The following PLXNA4 variants were observed in gnomAD, a reference collection of about 807,000 sequenced individuals.
PLXNA4 encodes the protein plexin-A4.
In PLXNA4, 44 loss-of-function variants were observed where a neutral mutation model predicts 191.8. That is an observed-to-expected ratio of 0.23 (90% CI 0.18 to 0.29). The LOEUF (loss-of-function observed/expected upper bound fraction) is 0.29, where lower values mean the gene tolerates loss of function less well. Ranked by LOEUF, PLXNA4 falls within the 10% of genes least tolerant of loss-of-function variation. The pLI is 1.00. For synonymous variants in PLXNA4, 1,082 were observed against 1,009.5 expected (o/e 1.07, Z -1.36); for missense variants, 1,800 against 2,488.8 (o/e 0.72, Z 5.89).
chr7:132,209,389 G>T (rs1228803920), intron 10 of PLXNA4, among the ~76,000 whole-genome samples: 2 of 152,222 alleles, frequency 1.3e-5, no homozygotes, highest in African/African-American at 2.4e-5. Context: ...TATAGGGAGG[G>T]TCTTGTTTTG....
At chr7:132,193,692 A>G (rs886739977) in intron 14 of PLXNA4, among the ~76,000 whole-genome samples, 2 of 152,222 alleles carry the variant, frequency 1.3e-5, no homozygotes, top group African/African-American at 4.8e-5. Flanking sequence ...ACTTGCCCAC[A>G]TTTACCCAGT....
chr7:132,617,296 G>A (rs966729104), intron 2 of PLXNA4, among the ~76,000 whole-genome samples: 5 of 152,122 alleles, frequency 3.3e-5, no homozygotes, highest in Non-Finnish European at 7.3e-5. Flanking sequence ...GAGGGATGGG[G>A]TCAGAATGTA....
At chr7:132,280,874 A>T (rs1156814184) in intron 4 of PLXNA4, among the ~76,000 whole-genome samples, 1 of 152,208 alleles carries the variant, frequency 6.6e-6, no homozygotes, top group African/African-American at 2.4e-5. Flanking sequence ...TTGACTGCAC[A>T]CTTCATAGTA....
At chr7:132,424,569 C>T (rs184479041) in intron 3 of PLXNA4, among the ~76,000 whole-genome samples, 4 of 152,256 alleles carry the variant, frequency 2.6e-5, no homozygotes, top group Admixed American at 2.6e-4. Context: ...TCATTCCTGC[C>T]CAGGGCTCCC....
chr7:132,273,277 C>G (rs1262899736), intron 4 of PLXNA4, among the ~76,000 whole-genome samples: 1 of 152,014 alleles, frequency 6.6e-6, no homozygotes, highest in East Asian at 1.9e-4. Context: ...ACTGGAAACT[C>G]TTTGTTTGGA....
At chr7:132,259,918 G>T (rs1198275712) in intron 4 of PLXNA4, among the ~76,000 whole-genome samples, 2 of 152,240 alleles carry the variant, frequency 1.3e-5, no homozygotes, top group South Asian at 2.1e-4. Flanking sequence ...CCTGGAAAAG[G>T]CAAAAACTAT....
In PLXNA4 at chr7:132,181,632, G is replaced by A; in HGVS notation, c.3253-12C>T. On this transcript the variant is annotated splice_polypyrimidine_tract_variant and intron_variant, in intron 17 of 31. Transcript: ENST00000321063. ...AGAACCTCACAGATCTGTGGGAGGAGCCACAGAGTGGAGTCTATGCAGTAT... is the reference window on the plus strand; with the variant it reads ...AGAACCTCACAGATCTGTGGGAGGAACCACAGAGTGGAGTCTATGCAGTAT... 1 of 1,613,514 alleles carries A rather than the reference G, an allele frequency of 6.2e-7. No homozygotes were observed. The highest frequency in any genetic ancestry group is 8.5e-7 in the Non-Finnish European group (1 of 1,179,620).
At chr7:132,172,986 T>C (rs1008501908) in intron 21 of PLXNA4, among the ~76,000 whole-genome samples, 5 of 152,288 alleles carry the variant, frequency 3.3e-5, no homozygotes, top group African/African-American at 1.2e-4. Flanking sequence ...CACACAGATA[T>C]TCATTTATTC....
At chr7:132,526,271 C>T (rs1282305773) in intron 1 of PLXNA4, among the ~76,000 whole-genome samples, 26 of 152,184 alleles carry the variant, frequency 1.7e-4, no homozygotes, top group Admixed American at 1.5e-3. Flanking sequence ...CACATTGCAT[C>T]CTCCATCACC....
At chr7:132,637,908 T>C (rs1215390232) in intron 2 of PLXNA4, among the ~76,000 whole-genome samples, 2 of 152,196 alleles carry the variant, frequency 1.3e-5, no homozygotes, top group Non-Finnish European at 2.9e-5. Context: ...CTCCCCACTA[T>C]AAAGTTTTCT....
chr7:132,643,808 C>T (rs1190894823), intron 2 of PLXNA4, among the ~76,000 whole-genome samples: 1 of 151,982 alleles, frequency 6.6e-6, no homozygotes, highest in Non-Finnish European at 1.5e-5. Flanking sequence ...AAAAATTACC[C>T]AGGTGTAATG....
At chr7:132,458,940 TA>T (rs1796403856) in intron 3 of PLXNA4, among the ~76,000 whole-genome samples, 1 of 152,174 alleles carries the variant, frequency 6.6e-6, no homozygotes, top group East Asian at 1.9e-4. Context: ...GTTTGCCTAT[TA>T]CCATAATTAC....
chr7:132,142,493 C>T (rs1211375489), intron 29 of PLXNA4, among the ~76,000 whole-genome samples: 1 of 152,216 alleles, frequency 6.6e-6, no homozygotes, highest in East Asian at 1.9e-4. Context: ...CTCCCAGCAG[C>T]CAGCATGTAC....
At chr7:132,307,323 G>T (rs1308088355) in intron 3 of PLXNA4, among the ~76,000 whole-genome samples, 2 of 151,972 alleles carry the variant, frequency 1.3e-5, no homozygotes, top group Non-Finnish European at 2.9e-5. Flanking sequence ...GTCCCCTTCT[G>T]ACATACTGTG....
At chr7:132,385,174 C>A in intron 3 of PLXNA4, 1 of 1,613,832 alleles carries the variant, frequency 6.2e-7, no homozygotes, top group Non-Finnish European at 8.5e-7. Context: ...GCCTACACAG[C>A]TCTGAAGTTT....
chr7:132,430,993 G>T (rs181698237), intron 3 of PLXNA4, among the ~76,000 whole-genome samples: 2 of 151,972 alleles, frequency 1.3e-5, no homozygotes, highest in Non-Finnish European at 2.9e-5. Context: ...GTGTAGACCC[G>T]GGAATCAGAT....
chr7:132,161,654 C>G (rs916421842), intron 24 of PLXNA4, among the ~76,000 whole-genome samples: 37 of 151,836 alleles, frequency 2.4e-4, no homozygotes, highest in African/African-American at 8.7e-4. Context: ...CTTCCAGGTG[C>G]GCATCTAGAA....
intron 2 of PLXNA4, among the ~76,000 whole-genome samples, chr7:132,615,748 T>C (rs577028093): frequency 3.3e-5 from 5 of 152,196 alleles, no homozygotes; most frequent in Non-Finnish European, 4.4e-5. Flanking sequence ...ACAGACTCTG[T>C]CCACATCAGC....
chr7:132,421,578 G>GT (rs370481755), intron 3 of PLXNA4, among the ~76,000 whole-genome samples: 5,420 of 146,150 alleles, frequency 0.037, 178 homozygotes, highest in African/African-American at 0.076. Context: ...TATTGCTAAA[G>GT]TTTTTTTTTT....
Sources: gnomAD v4.1 joint callset for allele counts (sites outside exome capture counted in the v4.1 genomes callset) on GRCh38, gnomAD v4.1.1 for gene constraint, MANE v1.5 for transcripts, NCBI Gene and HGNC (gene_info 2026-07-23, HGNC 2026-07-21) for gene names.